The following HS2ST1 variants were observed in gnomAD, a reference collection of about 807,000 sequenced individuals.
HS2ST1 encodes heparan sulfate 2-O-sulfotransferase 1, also known as 2-O-sulfotransferase.
HS2ST1 carries 18 observed loss-of-function variants against 42.9 expected under a neutral mutation model. The ratio of observed to expected loss-of-function variants is 0.42; its 90% CI spans 0.29 to 0.62. HS2ST1 has a LOEUF of 0.62. HS2ST1 is among the 20% of genes least tolerant of loss of function. The pLI is 0.21. For missense variants in HS2ST1, 334 were observed against 433.8 expected (o/e 0.77, Z 2.04); for synonymous variants, 146 against 152.9 (o/e 0.95, Z 0.33).
chr1:86,963,750 C>G (rs1557495753), intron 1 of HS2ST1, among the ~76,000 whole-genome samples: 1 of 149,386 alleles, frequency 6.7e-6, no homozygotes, highest in Admixed American at 6.6e-5. Flanking sequence ...AGGCGCCCCC[C>G]CCCCCACCTC....
intron 1 of HS2ST1, among the ~76,000 whole-genome samples, chr1:87,020,680 T>C (rs1649917834): frequency 6.6e-6 from 1 of 152,194 alleles, no homozygotes; most frequent in Non-Finnish European, 1.5e-5. Flanking sequence ...GTTGATTTAT[T>C]TGAGGCCCCT....
intron 1 of HS2ST1, among the ~76,000 whole-genome samples, chr1:86,929,387 G>A (rs1277305455): frequency 6.6e-6 from 1 of 151,734 alleles, no homozygotes; most frequent in African/African-American, 2.4e-5. Context: ...TTGACATTCA[G>A]ATTAGCTTTT....
At chr1:86,995,541 T>A (rs1428035993) in intron 1 of HS2ST1, among the ~76,000 whole-genome samples, 1 of 152,142 alleles carries the variant, frequency 6.6e-6, no homozygotes, top group Admixed American at 6.5e-5. Context: ...TTAGAAATAG[T>A]ATGTTTGTCT....
chr1:86,986,815 C>T (rs924176489), intron 1 of HS2ST1, among the ~76,000 whole-genome samples: 5 of 152,120 alleles, frequency 3.3e-5, no homozygotes, highest in African/African-American at 4.8e-5. Flanking sequence ...TAGTGGGACT[C>T]GTTTTAGTTT....
chr1:87,088,673 G>T (rs1339864437), intron 3 of HS2ST1, among the ~76,000 whole-genome samples: 2 of 152,024 alleles, frequency 1.3e-5, no homozygotes, highest in Non-Finnish European at 2.9e-5. Context: ...AACCAACAGT[G>T]TTTTAAGAGT....
intron 1 of HS2ST1, among the ~76,000 whole-genome samples, chr1:86,944,480 G>A (rs1448906443): frequency 6.6e-6 from 1 of 151,868 alleles, no homozygotes; most frequent in African/African-American, 2.4e-5. Flanking sequence ...TCAGCCTCCC[G>A]AGTAGCTGGA....
intron 1 of HS2ST1, among the ~76,000 whole-genome samples, chr1:86,982,977 A>G (rs913310702): frequency 6.6e-5 from 10 of 152,148 alleles, no homozygotes; most frequent in African/African-American, 2.2e-4. Context: ...TCAATATCCA[A>G]TAAATTACTC....
chr1:87,058,187 A>G (rs957449944), intron 1 of HS2ST1, among the ~76,000 whole-genome samples: 1 of 151,612 alleles, frequency 6.6e-6, no homozygotes, highest in African/African-American at 2.4e-5. Flanking sequence ...TTTTTCCATC[A>G]TTCTTTGACA....
In HS2ST1 at chr1:86,983,333, C is replaced by T. The variant is rs560074098; in HGVS notation, c.124+68173C>T. On this transcript the variant is annotated intron_variant, in intron 1 of 6. Transcript: ENST00000370550. Reference sequence around the variant, plus strand: ...TTAATTGTCTCTCAGTTCCACATGGCGGGGGAGATCTCAGGAAAATTAAAA... The same window carrying T: ...TTAATTGTCTCTCAGTTCCACATGGTGGGGGAGATCTCAGGAAAATTAAAA... Among the ~76,000 whole-genome samples the T allele has an allele frequency of 1.9e-3, 284 of 152,122 alleles. 1 individual carries two copies. Among genetic ancestry groups the T allele is most frequent in the African/African-American group, 6.6e-3 (275 of 41,482 alleles).
At chr1:86,996,110 G>T (rs1195523449) in intron 1 of HS2ST1, among the ~76,000 whole-genome samples, 1 of 152,060 alleles carries the variant, frequency 6.6e-6, no homozygotes, top group Admixed American at 6.6e-5. Context: ...GTTTAATGCT[G>T]TGCAGAAAAG....
At chr1:86,988,478 C>A (rs1421999854) in intron 1 of HS2ST1, among the ~76,000 whole-genome samples, 1 of 152,156 alleles carries the variant, frequency 6.6e-6, no homozygotes, top group Admixed American at 6.5e-5. Context: ...ACAAACTGTC[C>A]AGTGCATTAA....
intron 1 of HS2ST1, among the ~76,000 whole-genome samples, chr1:86,917,668 G>A (rs897442396): frequency 1.3e-5 from 2 of 152,194 alleles, no homozygotes; most frequent in African/African-American, 4.8e-5. Flanking sequence ...CAAATCAAGT[G>A]CTCCTTTAAT....
chr1:86,956,414 T>C (rs1647679240), intron 1 of HS2ST1: 1 of 152,210 alleles, frequency 6.6e-6, no homozygotes, highest in South Asian at 2.1e-4. Context: ...TCAAAGTTCT[T>C]TAAAACAGAG....
intron 1 of HS2ST1, among the ~76,000 whole-genome samples, chr1:87,033,903 T>G (rs1244043980): frequency 6.6e-6 from 1 of 152,220 alleles, no homozygotes; most frequent in Admixed American, 6.5e-5. Context: ...TTAAAATTCC[T>G]TATAGTGAAT....
chr1:87,064,394 G>T (rs1223021991), intron 1 of HS2ST1: 6 of 486,570 alleles, frequency 1.2e-5, no homozygotes, highest in African/African-American at 1.2e-4. Context: ...TTGTGTGCCA[G>T]TATTTTAGGT....
chr1:87,066,111 A>G (rs371887270), intron 1 of HS2ST1, among the ~76,000 whole-genome samples: 13 of 151,636 alleles, frequency 8.6e-5, no homozygotes, highest in African/African-American at 2.9e-4. Flanking sequence ...AGTTTAATGT[A>G]ATGTTTTATA....
At chr1:87,091,247 C>T (rs188000718) in intron 3 of HS2ST1, among the ~76,000 whole-genome samples, 73 of 151,906 alleles carry the variant, frequency 4.8e-4, no homozygotes, top group Admixed American at 1.2e-3. Context: ...GAGAGCGGCA[C>T]TCAAGGAAGA....
intron 1 of HS2ST1, among the ~76,000 whole-genome samples, chr1:86,996,997 T>C (rs1045524931): frequency 6.6e-6 from 1 of 152,146 alleles, no homozygotes; most frequent in Non-Finnish European, 1.5e-5. Flanking sequence ...TTGAAAGCCT[T>C]GGAGAGCAGC....
intron 1 of HS2ST1, chr1:87,064,363 G>A (rs1651194622): frequency 2.4e-6 from 1 of 414,916 alleles, no homozygotes; most frequent in East Asian, 6.2e-5. Flanking sequence ...CTCTTTTAGA[G>A]TCTTACATTT....
Sources: gnomAD v4.1 joint callset for allele counts (sites outside exome capture counted in the v4.1 genomes callset) on GRCh38, gnomAD v4.1.1 for gene constraint, MANE v1.5 for transcripts, NCBI Gene and HGNC (gene_info 2026-07-23, HGNC 2026-07-21) for gene names.